ATP10B: variants seen among roughly 807,000 people sequenced by gnomAD.
ATP10B encodes ATPase phospholipid transporting 10B (putative).
In ATP10B, 122 loss-of-function variants were observed where a neutral mutation model predicts 141.2. The ratio of observed to expected loss-of-function variants is 0.86; its 90% CI spans 0.75 to 1.00. ATP10B has a LOEUF of 1.00. Among genes scored for constraint, ATP10B ranks in the 50% least tolerant of loss-of-function variants. The probability of loss-of-function intolerance (pLI) is 0.00; values close to 1 mark genes in which losing one functional copy is unlikely to be tolerated. For missense variants in ATP10B, 1,876 were observed against 1,825.3 expected, an observed-to-expected ratio of 1.03 and a Z score of -0.51; for synonymous variants, 685 against 692.0, an observed-to-expected ratio of 0.99 and a Z score of 0.16.
intron 1 of ATP10B, among the ~76,000 whole-genome samples, chr5:160,804,741 T>C (rs1270130524): frequency 1.3e-5 from 2 of 152,224 alleles, no homozygotes; most frequent in Non-Finnish European, 2.9e-5. Flanking sequence ...TTCACAACTG[T>C]TGGACCTTGG....
At chr5:160,569,262 C>G (rs1754729178) in intron 25 of ATP10B, among the ~76,000 whole-genome samples, 1 of 152,188 alleles carries the variant, frequency 6.6e-6, no homozygotes, top group Admixed American at 6.5e-5. Flanking sequence ...GATGTCACAA[C>G]TGAGGTCACA....
intron 24 of ATP10B, among the ~76,000 whole-genome samples, chr5:160,572,367 G>A (rs2127595396): frequency 1.3e-5 from 2 of 152,134 alleles, no homozygotes; most frequent in East Asian, 3.9e-4. Flanking sequence ...TTTCTATCCA[G>A]GGAAGAAATA....
chr5:160,718,438 G>A (rs1430531638), intron 2 of ATP10B, among the ~76,000 whole-genome samples: 1 of 152,146 alleles, frequency 6.6e-6, no homozygotes, highest in Non-Finnish European at 1.5e-5. Context: ...TCCATTTTGT[G>A]TTGCTCTAAC....
At chr5:160,681,386 A>G (rs1160941176) in intron 6 of ATP10B, among the ~76,000 whole-genome samples, 3 of 152,246 alleles carry the variant, frequency 2.0e-5, no homozygotes, top group Non-Finnish European at 2.9e-5. Flanking sequence ...AGCTATTAAT[A>G]GTTAGTCTGA....
intron 3 of ATP10B, among the ~76,000 whole-genome samples, chr5:160,700,389 C>T (rs73314423): frequency 0.011 from 1,673 of 152,256 alleles, 33 homozygotes; most frequent in African/African-American, 0.039. Flanking sequence ...ATATACATCT[C>T]TAGCACTTTC....
At chr5:160,574,418 A>T (rs1755062889) in intron 24 of ATP10B, among the ~76,000 whole-genome samples, 1 of 152,186 alleles carries the variant, frequency 6.6e-6, no homozygotes, top group African/African-American at 2.4e-5. Context: ...GGGTGACAAG[A>T]GTGAGATTCT....
intron 22 of ATP10B, among the ~76,000 whole-genome samples, chr5:160,592,472 C>T (rs1465229931): frequency 6.6e-6 from 1 of 152,204 alleles, no homozygotes. Context: ...GTCTACAGCT[C>T]CCAGCATGAG....
intron 6 of ATP10B, among the ~76,000 whole-genome samples, chr5:160,679,538 G>A (rs1375115001): frequency 1.3e-5 from 2 of 152,190 alleles, no homozygotes; most frequent in Non-Finnish European, 2.9e-5. Flanking sequence ...TGGCCTTGAC[G>A]TTTCTGCAGG....
At chr5:160,902,277 A>T in the ATP10B span, among the ~76,000 whole-genome samples, 1 of 152,344 alleles carries the variant, frequency 6.6e-6, no homozygotes, top group East Asian at 1.9e-4. Context: ...CCTCAAATAG[A>T]TGCTAAGACT....
chr5:160,702,202 A>G (rs1334843087), intron 3 of ATP10B, among the ~76,000 whole-genome samples: 1 of 152,252 alleles, frequency 6.6e-6, no homozygotes, highest in African/African-American at 2.4e-5. Context: ...ATTTAAAAAT[A>G]TTTCAAAGAA....
intron 2 of ATP10B, among the ~76,000 whole-genome samples, chr5:160,770,153 T>A (rs1365288232): frequency 6.6e-6 from 1 of 152,138 alleles, no homozygotes; most frequent in South Asian, 2.1e-4. Context: ...TCTCTGTCTC[T>A]CTTTTTCTGC....
At position 160,762,382 on chromosome 5, in the gene ATP10B, G is replaced by A. The variant is rs550987901; in HGVS notation, c.-331+23177C>T. 2.6e-5 allele frequency among the ~76,000 whole-genome samples: 4 copies of A among 152,280 alleles called. No individual in the cohort carries two copies. The East Asian group carries it at 5.8e-4, about 22-fold the overall frequency. ...GGATTTCTCAGCAGAAACCCTACAAGCCAGAATGGATTGGGGTCCTATCGT... is the reference window on the plus strand; with the variant it reads ...GGATTTCTCAGCAGAAACCCTACAAACCAGAATGGATTGGGGTCCTATCGT... On this transcript the variant is annotated intron_variant, in intron 2 of 25. Coordinates refer to ENST00000327245, the MANE Select transcript of ATP10B (RefSeq NM_025153.3).
intron 24 of ATP10B, among the ~76,000 whole-genome samples, chr5:160,587,657 C>T (rs888687112): frequency 1.3e-5 from 2 of 152,052 alleles, no homozygotes; most frequent in Admixed American, 1.3e-4. Context: ...CCATTGTTAG[C>T]TGTATTCCTA....
intron 1 of ATP10B, among the ~76,000 whole-genome samples, chr5:160,842,886 A>G (rs1775895132): frequency 6.6e-6 from 1 of 152,134 alleles, no homozygotes; most frequent in South Asian, 2.1e-4. Flanking sequence ...GAGTACCATC[A>G]ATCTTATACA....
At chr5:160,899,041 ATAGG>A in the ATP10B span, among the ~76,000 whole-genome samples, 26 of 152,266 alleles carry the variant, frequency 1.7e-4, no homozygotes, top group African/African-American at 6.0e-4. Flanking sequence ...AATACCTAAT[ATAGG>A]TAACGGGTCG....
At chr5:160,911,837 C>T in the ATP10B span, among the ~76,000 whole-genome samples, 1 of 152,140 alleles carries the variant, frequency 6.6e-6, no homozygotes, top group Non-Finnish European at 1.5e-5. Context: ...ATTGCTCCTA[C>T]CTCATCCGTG....
intron 2 of ATP10B, among the ~76,000 whole-genome samples, chr5:160,768,375 A>G (rs544917083): frequency 6.6e-6 from 1 of 152,288 alleles, no homozygotes; most frequent in South Asian, 2.1e-4. Flanking sequence ...GGGTGTGTAA[A>G]CTAGGCCTGT....
the ATP10B span, among the ~76,000 whole-genome samples, chr5:160,858,657 TTTTC>T: frequency 1.3e-5 from 2 of 151,964 alleles, no homozygotes; most frequent in African/African-American, 4.8e-5. Flanking sequence ...CTTTTTCTTG[TTTTC>T]TTTTTCTTAC....
rs367617733 is a variant in ATP10B, at chr5:160,586,340, A to AGT, written c.3750+3250_3750+3251dup. ...TTTTTATGGCTGCATAGTATTCTAT[A>AGT]GTGTGTGTGTGTACCACATTTTCTT... On this transcript the variant is annotated intron_variant, in intron 24 of 25. Transcript: ENST00000327245. Among the ~76,000 whole-genome samples, 1,448 of 152,144 alleles carry AGT rather than the reference A, an allele frequency of 9.5e-3. 18 individuals carry two copies. The highest frequency in any genetic ancestry group is 0.033 in the African/African-American group (1,364 of 41,512).
Sources: allele counts gnomAD v4.1 joint callset (sites outside exome capture counted in the v4.1 genomes callset), GRCh38; gene constraint gnomAD v4.1.1; transcripts MANE v1.5; gene names NCBI Gene and HGNC (gene_info 2026-07-23, HGNC 2026-07-21).